The following APBB2 variants were observed in gnomAD, a reference collection of about 807,000 sequenced individuals.
APBB2 encodes Fe65-like 1.
A neutral mutation model predicts 82.5 loss-of-function variants in APBB2; 38 were observed. That is an observed-to-expected ratio of 0.46 (90% CI 0.36 to 0.60). The LOEUF is 0.60. Ranked by LOEUF, APBB2 falls within the 20% of genes least tolerant of loss-of-function variation. The pLI, the probability that APBB2 is intolerant of heterozygous loss-of-function variation, is 0.00. For synonymous variants in APBB2, 341 were observed against 368.2 expected, an observed-to-expected ratio of 0.93 and a Z score of 0.85; for missense variants, 772 against 972.3, an observed-to-expected ratio of 0.79 and a Z score of 2.74.
intron 1 of APBB2, among the ~76,000 whole-genome samples, chr4:41,202,663 A>T (rs1776983156): frequency 6.6e-6 from 1 of 152,218 alleles, no homozygotes; most frequent in Admixed American, 6.5e-5. Flanking sequence ...TAACTTGACC[A>T]TTTATCAAAA....
rs1224165729 is a variant in APBB2, at chr4:40,851,774, G to C, written c.1530-21197C>G. On this transcript the variant is annotated intron_variant, in intron 12 of 17. Coordinates refer to ENST00000508593, the MANE Select transcript of APBB2 (RefSeq NM_004307.2). ...TTTTTTTTTTCAAAACCAAACCAAA[G>C]TTATCTCAAAACTCAAGTTCTCTGA... 9.7e-5 allele frequency among the ~76,000 whole-genome samples: 12 copies of C among 123,928 alleles called. No individual in the cohort carries two copies. In the East Asian group the frequency reaches 2.9e-3, roughly 30 times the overall value. The allele number at this position is 123,928 out of a possible 152,430, so 81.3% of individuals were successfully genotyped here. A position where few individuals can be genotyped will look rare whatever the true frequency, so the allele number is the denominator to read the frequency against.
rs908115300 is a variant in APBB2 at position 40,984,929 on chromosome 4, AT to A, written c.835+28653del. Among the ~76,000 whole-genome samples the A allele has an allele frequency of 4.7e-5, 7 of 149,700 alleles. No individual in the cohort carries two copies. In the East Asian group the frequency reaches 9.8e-4, roughly 21 times the overall value. ...TTGATCTCTGTTGTAGTTACAGATG[AT>A]TTTTTTTTTGAGACAGGGTCTCACT... is the stretch of plus-strand genomic sequence containing the variant. On this transcript the variant is annotated intron_variant, in intron 6 of 17. Transcript: ENST00000508593.
intron 1 of APBB2, among the ~76,000 whole-genome samples, chr4:41,189,738 G>A (rs886930629): frequency 2.0e-5 from 3 of 152,214 alleles, no homozygotes; most frequent in African/African-American, 7.2e-5. Context: ...CCATAGAACT[G>A]TGGTCCTTAC....
In APBB2 at chr4:41,139,296, C is replaced by T. The variant is rs141498999; in HGVS notation, c.-261+3691G>A. 6.1e-3 allele frequency among the ~76,000 whole-genome samples: 933 copies of T among 152,128 alleles called. 9 individuals are homozygous for T. Among genetic ancestry groups the T allele is most frequent in the African/African-American group, 0.019 (775 of 41,528 alleles). On this transcript the variant is annotated intron_variant, in intron 2 of 17. Coordinates refer to ENST00000508593, the MANE Select transcript of APBB2 (RefSeq NM_004307.2). ...TCAATAGTTGCAAAAAAGCACCCAACAAAAATCCAACACTATTTCATAATA... is the reference window on the plus strand; with the variant it reads ...TCAATAGTTGCAAAAAAGCACCCAATAAAAATCCAACACTATTTCATAATA...
intron 1 of APBB2, among the ~76,000 whole-genome samples, chr4:41,207,198 CAAAAAAAAAA>C (rs368548129): frequency 1.5e-4 from 10 of 67,344 alleles, no homozygotes; most frequent in South Asian, 7.7e-4. Context: ...GACTCCGTCT[CAAAAAAAAAA>C]AAAAAAAAAA....
chr4:40,899,121 GAGTT>G (rs1774545221), intron 10 of APBB2, among the ~76,000 whole-genome samples: 1 of 152,222 alleles, frequency 6.6e-6, no homozygotes, highest in South Asian at 2.1e-4. Flanking sequence ...GACCTTGGGT[GAGTT>G]AGTTAACCTG....
Position 40,823,676 on chromosome 4 carries a change from C to T in APBB2, c.1900G>A (p.Ala634Thr). 6.2e-7 allele frequency: 1 copy of T among 1,613,802 alleles called. No homozygotes were observed. The highest frequency in any genetic ancestry group is 8.5e-7 in the Non-Finnish European group (1 of 1,179,820). Residue 634 changes from alanine (A) to threonine (T), a missense_variant, in exon 16 of 18, where the codon GCT (alanine) becomes ACT (threonine). Physicochemically the swap from Ala to Thr is moderately conservative, Grantham distance 58 (BLOSUM62 0). Coordinates refer to ENST00000508593, the MANE Select transcript of APBB2 (RefSeq NM_004307.2). ...CTGATGACAGTCACAGTGGCATCAGCCACGTTCATGTTCACTGACAGCCAG... is the reference window on the plus strand; with the variant it reads ...CTGATGACAGTCACAGTGGCATCAGTCACGTTCATGTTCACTGACAGCCAG... The part of the protein sequence containing the change: ...EDWLSVNMNV[A>T]DATVTVISEK...
At chr4:40,884,058 G>A (rs1302932898) in intron 12 of APBB2, among the ~76,000 whole-genome samples, 2 of 152,156 alleles carry the variant, frequency 1.3e-5, no homozygotes, top group African/African-American at 4.8e-5. Flanking sequence ...GCCTAACATA[G>A]TATTTAGGAC....
chr4:41,132,041 A>AAAATAAATAAATAAAT (rs139179556), intron 2 of APBB2, among the ~76,000 whole-genome samples: 1,513 of 147,814 alleles, frequency 0.01, 16 homozygotes, highest in Middle Eastern at 0.024. Context: ...CTCTGTCTCA[A>AAAATAAATAAATAAAT]AAATAAATAA....
At chr4:40,980,205 GT>G (rs1449159915) in intron 6 of APBB2, among the ~76,000 whole-genome samples, 1 of 152,106 alleles carries the variant, frequency 6.6e-6, no homozygotes, top group Non-Finnish European at 1.5e-5. Context: ...TGGATTTTTA[GT>G]ACAGAAGGTG....
chr4:40,852,927 A>G (rs1759941347), intron 12 of APBB2, among the ~76,000 whole-genome samples: 1 of 152,134 alleles, frequency 6.6e-6, no homozygotes, highest in Non-Finnish European at 1.5e-5. Flanking sequence ...TTACAGCATG[A>G]GCCACCGTGT....
chr4:40,951,141 T>G (rs1400695175), intron 6 of APBB2, among the ~76,000 whole-genome samples: 1 of 152,194 alleles, frequency 6.6e-6, no homozygotes, highest in Non-Finnish European at 1.5e-5. Context: ...ACAGTGAAGC[T>G]CACAGAGAGG....
intron 1 of APBB2, among the ~76,000 whole-genome samples, chr4:41,209,143 C>T (rs567637467): frequency 9.8e-4 from 149 of 152,092 alleles, no homozygotes; most frequent in Non-Finnish European, 1.7e-3. Context: ...GGTCCAGGAA[C>T]CCTGGAGCCT....
At chr4:40,839,815 A>C (rs1755226632) in intron 12 of APBB2, among the ~76,000 whole-genome samples, 1 of 151,908 alleles carries the variant, frequency 6.6e-6, no homozygotes, top group Non-Finnish European at 1.5e-5. Context: ...CAAGCGTGTG[A>C]CACCATGCCT....
intron 10 of APBB2, among the ~76,000 whole-genome samples, chr4:40,896,656 G>T (rs768453590): frequency 6.6e-6 from 1 of 152,226 alleles, no homozygotes; most frequent in Non-Finnish European, 1.5e-5. Context: ...AAAAATGAGA[G>T]ATTTGTATTA....
chr4:40,862,642 C>T (rs762496113), intron 12 of APBB2, among the ~76,000 whole-genome samples: 7 of 152,132 alleles, frequency 4.6e-5, no homozygotes, highest in Non-Finnish European at 1.0e-4. Context: ...GGGTGGATTA[C>T]GAGGTCAGCA....
At chr4:40,942,622 T>C (rs2154379395) in intron 7 of APBB2, among the ~76,000 whole-genome samples, 1 of 150,502 alleles carries the variant, frequency 6.6e-6, no homozygotes, top group East Asian at 2.0e-4. Flanking sequence ...TTAAGAGCAG[T>C]GAGGAGGCCG....
At chr4:41,067,702 C>A (rs185371616) in intron 3 of APBB2, among the ~76,000 whole-genome samples, 3 of 152,156 alleles carry the variant, frequency 2.0e-5, no homozygotes, top group Admixed American at 2.0e-4. Flanking sequence ...TAGAGAGGTA[C>A]CACGGGATAG....
intron 12 of APBB2, among the ~76,000 whole-genome samples, chr4:40,885,572 T>C (rs1055792241): frequency 6.6e-6 from 1 of 152,204 alleles, no homozygotes; most frequent in African/African-American, 2.4e-5. Flanking sequence ...AAGTCCATTC[T>C]TGGGGTTTGG....
Sources: gnomAD v4.1 joint callset for allele counts (sites outside exome capture counted in the v4.1 genomes callset) on GRCh38, gnomAD v4.1.1 for gene constraint, MANE v1.5 for transcripts, NCBI Gene and HGNC (gene_info 2026-07-23, HGNC 2026-07-21) for gene names.